The following PIGR variants were observed in gnomAD, a reference collection of about 807,000 sequenced individuals.
PIGR encodes the protein polymeric immunoglobulin receptor, also known as hepatocellular carcinoma associated protein TB6.
PIGR carries 22 observed loss-of-function variants against 69.5 expected under a neutral mutation model. The ratio of observed to expected loss-of-function variants is 0.32; its 90% CI spans 0.23 to 0.45. The LOEUF (loss-of-function observed/expected upper bound fraction) is 0.45. PIGR is among the 20% of genes least tolerant of loss of function. PIGR has a pLI of 1.00. For synonymous variants in PIGR, 413 were observed against 407.6 expected (o/e 1.01, Z -0.16); for missense variants, 885 against 974.0 (o/e 0.91, Z 1.22).
chr1:206,937,663 A>G lies in PIGR; in HGVS notation c.477T>C (p.Ala159=), dbSNP rs773308649. 8.1e-6 allele frequency: 13 copies of G among 1,613,798 alleles called. No individual in the cohort carries two copies. The highest frequency in any genetic ancestry group is 1.1e-5 in the Non-Finnish European group (13 of 1,179,926). Reference sequence around the variant, plus strand: ...GCTTGTACAAGGACTTCCTCTTTTGAGCATTCTCAGTCTTGAAAGGGCAGT... The same window carrying G: ...GCTTGTACAAGGACTTCCTCTTTTGGGCATTCTCAGTCTTGAAAGGGCAGT... ...TINCPFKTEN[A]QKRKSLYKQI... Residue 159 remains alanine, a synonymous_variant, in exon 4 of 11, where the codon GCT becomes GCC. Transcript: ENST00000356495.
Position 206,935,362 on chromosome 1 carries a change from TG to T in PIGR, c.1378+123del. 1.3e-6 allele frequency: 1 copy of T among 754,054 alleles called. No individual in the cohort carries two copies. The highest frequency in any genetic ancestry group is 2.2e-6 in the Non-Finnish European group (1 of 447,998). The allele number at this position is 754,054 out of a possible 1,614,324, so 46.7% of individuals were successfully genotyped here. On this transcript the variant is annotated intron_variant, in intron 5 of 10. Transcript: ENST00000356495. This position sits in a 1 kb window ranked among gnomAD's most constrained non-coding sequence, Gnocchi z 4.4. Reference sequence around the variant, plus strand: ...CATGAAAATGTGACCTCTGGATAGGTGGGCTCCCTCCTGAGGTCTGGCCCAT... The same window carrying T: ...CATGAAAATGTGACCTCTGGATAGGTGGCTCCCTCCTGAGGTCTGGCCCAT...
intron 7 of PIGR, among the ~76,000 whole-genome samples, 173 bp downstream of exon 7, chr1:206,932,813 A>G (rs553553533): frequency 1.3e-5 from 2 of 152,306 alleles, no homozygotes; most frequent in South Asian, 4.1e-4. Context: ...CTCCCCAGCC[A>G]TGGGAGAAGG....
Position 206,934,665 on chromosome 1 carries a change from T to A in PIGR, c.1460A>T (p.Lys487Ile). 2 of 1,613,982 alleles carry A rather than the reference T, an allele frequency of 1.2e-6. No individual in the cohort carries two copies. Among genetic ancestry groups the A allele is most frequent in the Non-Finnish European group, 1.7e-6 (2 of 1,179,984 alleles). Residue 487 changes from lysine to isoleucine, a missense_variant, in exon 6 of 11, where the codon AAA (lysine) becomes ATA (isoleucine). Transcript: ENST00000356495. ...CCAGTATTTCTCGTACGAGGAGAAT[T>A]TGCATGGAAAGTGACAGGGGACCTT... The part of the protein sequence containing the change: ...TLKVPCHFPC[K>I]FSSYEKYWCK...
chr1:206,931,541 T>C lies in PIGR; in HGVS notation c.2155A>G (p.Thr719Ala), dbSNP rs1283638595. The change falls in exon 10 of 11, where the codon ACT (threonine) becomes GCT (alanine). Residue 719 changes from threonine (T) to alanine (A), a missense_variant. By Grantham distance (58) the Thr-to-Ala change is moderately conservative. Transcript: ENST00000356495. ...TCTTTGGTCTCTGTGGTGCTCTCAG[T>C]GGTGGCAACAAACTCTGTGTGAAGA... Reference protein sequence around the residue: ...LGGKEEFVATTESTTETKEPK... With the variant: ...LGGKEEFVATAESTTETKEPK... 9 of 1,614,028 alleles carry C rather than the reference T, an allele frequency of 5.6e-6. No individual in the cohort carries two copies. The highest frequency in any genetic ancestry group is 1.1e-5 in the South Asian group (1 of 91,084).
Position 206,935,456 on chromosome 1 carries a change from A to G in PIGR, c.1378+30T>C, listed in dbSNP as rs1244691168. ...TGCTGCTGCTGGCTGGAGAGGTTTT[A>G]GAGCTTTCTCCCTCCCTGTCAACTC... On this transcript the variant is annotated intron_variant, in intron 5 of 10. Coordinates refer to ENST00000356495, the MANE Select transcript of PIGR (RefSeq NM_002644.4). This position sits in a 1 kb window ranked among gnomAD's most constrained non-coding sequence, Gnocchi z 4.4. 2 of 1,564,718 alleles carry G rather than the reference A, an allele frequency of 1.3e-6. No homozygotes were observed. Among genetic ancestry groups the G allele is most frequent in the Non-Finnish European group, 1.7e-6 (2 of 1,143,110 alleles).
intron 1 of PIGR, among the ~76,000 whole-genome samples, chr1:206,944,471 T>C (rs939589939): frequency 6.6e-6 from 1 of 151,840 alleles, no homozygotes; most frequent in African/African-American, 2.4e-5. Flanking sequence ...AGATTCCATC[T>C]CAAAAAAATA....
chr1:206,936,596 C>A (rs1308345768), intron 4 of PIGR, among the ~76,000 whole-genome samples: 2 of 152,106 alleles, frequency 1.3e-5, no homozygotes, highest in African/African-American at 4.8e-5. Context: ...GCTGAGTGGG[C>A]CAGATGGTGC....
intron 4 of PIGR, 93 bp downstream of exon 4, chr1:206,937,002 A>T (rs1679874485): frequency 8.5e-7 from 1 of 1,176,898 alleles, no homozygotes; most frequent in Non-Finnish European, 1.2e-6. Flanking sequence ...TGGCTGATTG[A>T]TGACTATTGA....
At chr1:206,940,340 C>G in intron 2 of PIGR, 149 bp downstream of exon 2, 3 of 678,966 alleles carry the variant, frequency 4.4e-6, no homozygotes, top group Non-Finnish European at 7.4e-6. Flanking sequence ...TCAGTGTCTT[C>G]TCTGTATGAC....
chr1:206,945,164 A>T (rs887703942), intron 1 of PIGR, among the ~76,000 whole-genome samples: 5 of 152,208 alleles, frequency 3.3e-5, no homozygotes, highest in African/African-American at 7.2e-5. Flanking sequence ...AGAGAATTCC[A>T]GATCTGGCTC....
Position 206,930,400 on chromosome 1 carries a change from TC to T in PIGR, c.2212del (p.Glu738LysfsTer92). 1 of 1,613,012 alleles carries T rather than the reference TC, an allele frequency of 6.2e-7. No homozygotes were observed. The highest frequency in any genetic ancestry group is 8.5e-7 in the Non-Finnish European group (1 of 1,179,474). ...GAAGTCTTTGTAGGCCATCTCGGCT[TC>T]CTCCTTGGATGACTAAGGGGCAAGA... ...PKKAKRSSKE[E>X]AEMAYKDFLL... On this transcript the variant is annotated frameshift_variant, in exon 11 of 11. Transcript: ENST00000356495. LOFTEE classifies it low-confidence loss of function (END_TRUNC). The surrounding 1 kb of genome is among the most constrained non-coding windows in gnomAD (Gnocchi z 4.3).
intron 1 of PIGR, among the ~76,000 whole-genome samples, chr1:206,944,442 C>T (rs999368691): frequency 6.6e-6 from 1 of 152,114 alleles, no homozygotes; most frequent in Non-Finnish European, 1.5e-5. Flanking sequence ...CACTGCATTC[C>T]AGCCTGGGTG....
At position 206,939,138 on chromosome 1, in the gene PIGR, G is replaced by A; in HGVS notation, c.369C>T (p.Val123=). Residue 123 remains valine, a synonymous_variant, in exon 3 of 11, where the codon GTC becomes GTT. Transcript: ENST00000356495. ...CCTTACCCTGGCTGACCTCCAGGCTGACATCAAAGGACAGGCCTCGGCTAT... is the reference window on the plus strand; with the variant it reads ...CCTTACCCTGGCTGACCTCCAGGCTAACATCAAAGGACAGGCCTCGGCTAT... ...GINSRGLSFD[V]SLEVSQGPGL... is the part of the protein sequence containing the mutation. The A allele has an allele frequency of 6.2e-7, 1 of 1,609,570 alleles. No homozygotes were observed. Among genetic ancestry groups the A allele is most frequent in the Non-Finnish European group, 8.5e-7 (1 of 1,176,318 alleles).
In PIGR at chr1:206,935,292, AG is replaced by A. The variant is rs1206863959; in HGVS notation, c.1378+193del. Among the ~76,000 whole-genome samples, 7 of 152,182 alleles carry A rather than the reference AG, an allele frequency of 4.6e-5. No homozygotes were observed. The East Asian group carries it at 1.3e-3, about 29-fold the overall frequency. On this transcript the variant is annotated intron_variant, in intron 5 of 10. Transcript: ENST00000356495. The surrounding 1 kb of genome is among the most constrained non-coding windows in gnomAD (Gnocchi z 4.4). ...AGAAGCCCATGTTCTTGGTAGTAGG[AG>A]GTACCATGTATGGTAATTCAGAGTG...
Position 206,939,431 on chromosome 1 carries a change from C to T in PIGR, c.76G>A (p.Glu26Lys), listed in dbSNP as rs202143048. 4.8e-5 allele frequency: 77 copies of T among 1,609,076 alleles called. 1 individual carries two copies. In the African/African-American group the frequency reaches 6.4e-4, roughly 13 times the overall value. The change falls in exon 3 of 11, where the codon GAG (glutamate) becomes AAG (lysine). Residue 26 changes from glutamate to lysine, a missense_variant. Physicochemically the swap from Glu to Lys is moderately conservative, Grantham distance 56. Coordinates refer to ENST00000356495, the MANE Select transcript of PIGR (RefSeq NM_002644.4). ...ISTKSPIFGP[E>K]EVNSVEGNSV... Reference sequence around the variant, plus strand: ...TTACCTTCCACACTATTCACCTCCTCGGGACCAAATATGGGACTCTTCGTG... The same window carrying T: ...TTACCTTCCACACTATTCACCTCCTTGGGACCAAATATGGGACTCTTCGTG...
intron 7 of PIGR, 27 bp from the exon 8 acceptor site, chr1:206,932,604 C>A (rs1316268193): frequency 8.2e-6 from 13 of 1,594,862 alleles, no homozygotes; most frequent in African/African-American, 1.3e-5. Context: ...GTTAGTTCAT[C>A]CCTGGAAGGG....
intron 6 of PIGR, among the ~76,000 whole-genome samples, 189 bp from the exon 7 acceptor site, chr1:206,933,355 T>C (rs1174165251): frequency 6.6e-6 from 1 of 152,184 alleles, no homozygotes; most frequent in African/African-American, 2.4e-5. Flanking sequence ...ACAGATGATC[T>C]CTGCCCCATT....
Position 206,942,434 on chromosome 1 carries a change from A to C in PIGR, c.-53-1850T>G, listed in dbSNP as rs374364485. Among the ~76,000 whole-genome samples the C allele has an allele frequency of 3.9e-5, 6 of 152,342 alleles. No individual in the cohort carries two copies. In the South Asian group the frequency reaches 1.2e-3, roughly 32 times the overall value. On this transcript the variant is annotated intron_variant, in intron 1 of 10. Transcript: ENST00000356495. ...GATGGGCTGGCTGCAAAGTCCTGGGAGATCTACCATTTTCTACTTGTGCTG... is the reference window on the plus strand; with the variant it reads ...GATGGGCTGGCTGCAAAGTCCTGGGCGATCTACCATTTTCTACTTGTGCTG...
rs1256627527 is a variant in PIGR, at chr1:206,933,095, C to T, written c.1777G>A (p.Glu593Lys). The change falls in exon 7 of 11, where the codon GAG (glutamate) becomes AAG (lysine). Residue 593 changes from glutamate (E) to lysine (K), a missense_variant. Transcript: ENST00000356495. ...DEKVLDSGFREIENKAIQDPR... is the reference protein window; with the variant it reads ...DEKVLDSGFRKIENKAIQDPR... ...TCCTGAATGGCTTTGTTCTCAATCT[C>T]CCGAAAACCAGAGTCTAGCACCTTC... The T allele has an allele frequency of 6.2e-7, 1 of 1,614,212 alleles. No individual in the cohort carries two copies. The highest frequency in any genetic ancestry group is 1.1e-5 in the South Asian group (1 of 91,084).
Sources: allele counts gnomAD v4.1 joint callset (sites outside exome capture counted in the v4.1 genomes callset), GRCh38; gene constraint gnomAD v4.1.1; non-coding constraint Gnocchi (gnomAD v3.1); transcripts MANE v1.5; gene names NCBI Gene and HGNC (gene_info 2026-07-23, HGNC 2026-07-21).